Variants in BTG4 observed in about 807,000 individuals in gnomAD.
The protein encoded by BTG4 is protein BTG4.
BTG4 carries 10 observed loss-of-function variants against 19.3 expected under a neutral mutation model. The ratio of observed to expected loss-of-function variants is 0.52; its 90% CI spans 0.32 to 0.88. The LOEUF (loss-of-function observed/expected upper bound fraction) is 0.88, where lower values mean the gene tolerates loss of function less well. Ranked by LOEUF, BTG4 falls within the 40% of genes least tolerant of loss-of-function variation. BTG4 has a pLI of 0.04. For synonymous variants in BTG4, 91 were observed against 95.7 expected (o/e 0.95, Z 0.29); for missense variants, 238 against 281.9 (o/e 0.84, Z 1.11).
At chr11:111,508,707 AT>A (rs1449181053) in intron 1 of BTG4, among the ~76,000 whole-genome samples, 1 of 150,866 alleles carries the variant, frequency 6.6e-6, no homozygotes, top group African/African-American at 2.4e-5. Flanking sequence ...AGTCATCAGG[AT>A]TCCTGAAGCA....
exon 6 of BTG4, chr11:111,467,526 T>C: frequency 1.8e-6 from 1 of 565,774 alleles, no homozygotes; most frequent in South Asian, 2.7e-5. Flanking sequence ...AGCAAAAGGA[T>C]AGGTTTGGTT....
At chr11:111,495,832 C>T (rs1178147623) in intron 4 of BTG4, among the ~76,000 whole-genome samples, 1 of 152,152 alleles carries the variant, frequency 6.6e-6, no homozygotes, top group Non-Finnish European at 1.5e-5. Flanking sequence ...TCAACAACCT[C>T]GATAGGTTAT....
At chr11:111,415,366 C>T in the BTG4 span, among the ~76,000 whole-genome samples, 310 of 152,298 alleles carry the variant, frequency 2.0e-3, no homozygotes, top group Middle Eastern at 6.8e-3. Context: ...CACTTTCAAA[C>T]CAATGTTTAC....
At chr11:111,450,794 T>C in the BTG4 span, 247 of 152,880 alleles carry the variant, frequency 1.6e-3, 1 homozygote, top group Non-Finnish European at 2.1e-3. Flanking sequence ...GGTGAGCTAC[T>C]ACACTCCCTA....
At chr11:111,510,895 A>G (rs967583927) in intron 1 of BTG4, among the ~76,000 whole-genome samples, 1 of 152,264 alleles carries the variant, frequency 6.6e-6, no homozygotes, top group Non-Finnish European at 1.5e-5. Flanking sequence ...AGATGCAACT[A>G]ATAATCATAA....
the BTG4 span, among the ~76,000 whole-genome samples, chr11:111,434,704 TA>T: frequency 0.045 from 6,462 of 143,022 alleles, 441 homozygotes; most frequent in African/African-American, 0.15. Context: ...AATAATTGTT[TA>T]AAAAAAAAAA....
chr11:111,497,850 A>T, intron 3 of BTG4, 148 bp downstream of exon 3: 1 of 900,708 alleles, frequency 1.1e-6, no homozygotes, highest in South Asian at 2.0e-5. Context: ...GCATTGTCTA[A>T]CAGAAGTTTG....
the BTG4 span, among the ~76,000 whole-genome samples, chr11:111,412,808 T>C: frequency 1.3e-5 from 2 of 152,220 alleles, no homozygotes; most frequent in Non-Finnish European, 1.5e-5. Flanking sequence ...AACGGAAGAA[T>C]GGCGAGTGGG....
the BTG4 span, chr11:111,454,151 T>C: frequency 1.3e-5 from 5 of 387,450 alleles, no homozygotes; most frequent in Non-Finnish European, 1.5e-5. Context: ...TGAGGCTCTA[T>C]AGGAAGAAGA....
At chr11:111,430,804 CA>C in the BTG4 span, among the ~76,000 whole-genome samples, 1 of 152,222 alleles carries the variant, frequency 6.6e-6, no homozygotes, top group Non-Finnish European at 1.5e-5. Context: ...GCAGAATCAA[CA>C]TTAGAATCTT....
At chr11:111,424,228 A>T in the BTG4 span, among the ~76,000 whole-genome samples, 3 of 152,230 alleles carry the variant, frequency 2.0e-5, no homozygotes, top group South Asian at 2.1e-4. Flanking sequence ...CAGGATACTG[A>T]GAGTGACACG....
downstream of BTG4, among the ~76,000 whole-genome samples, chr11:111,490,618 A>G (rs908901574): frequency 6.6e-6 from 1 of 152,234 alleles, no homozygotes; most frequent in Non-Finnish European, 1.5e-5. Flanking sequence ...ACTTACACAG[A>G]TATTTCATCA....
the BTG4 span, among the ~76,000 whole-genome samples, chr11:111,405,404 C>CAAAAAAAAAAAAAAAAAAAAAAAAA: frequency 1.5e-4 from 8 of 53,040 alleles, no homozygotes; most frequent in African/African-American, 5.2e-4. Context: ...GACTCCGTCT[C>CAAAAAAAAAAAAAAAAAAAAAAAAA]AAAAAAAAAA....
the BTG4 span, among the ~76,000 whole-genome samples, chr11:111,405,376 C>G: frequency 8.6e-6 from 1 of 116,094 alleles, no homozygotes; most frequent in Admixed American, 1.1e-4. Context: ...TGCACTCCAG[C>G]CTGGGCAACA....
At chr11:111,387,354 G>T in the BTG4 span, among the ~76,000 whole-genome samples, 3 of 152,174 alleles carry the variant, frequency 2.0e-5, no homozygotes, top group Non-Finnish European at 2.9e-5. Flanking sequence ...CTAGGAAGAG[G>T]CCTAATCATT....
downstream of BTG4, chr11:111,467,484 T>G (rs1039277065): frequency 2.0e-6 from 1 of 509,032 alleles, no homozygotes; most frequent in Non-Finnish European, 3.4e-6. Flanking sequence ...ATTTGGCTGA[T>G]GCCACGTAGC....
At chr11:111,484,950 A>G (rs1864967398) in intron 5 of BTG4, among the ~76,000 whole-genome samples, 1 of 152,192 alleles carries the variant, frequency 6.6e-6, no homozygotes, top group Non-Finnish European at 1.5e-5. Flanking sequence ...GGAAACCAAA[A>G]AAGCAGGAGA....
the BTG4 span, among the ~76,000 whole-genome samples, chr11:111,441,151 A>G: frequency 6.7e-6 from 1 of 150,344 alleles, no homozygotes; most frequent in African/African-American, 2.5e-5. Flanking sequence ...TTCAAATGTT[A>G]TTATGAAATA....
the BTG4 span, among the ~76,000 whole-genome samples, chr11:111,401,447 A>T: frequency 6.6e-6 from 1 of 150,546 alleles, no homozygotes; most frequent in Non-Finnish European, 1.5e-5. Context: ...GAGACACTGC[A>T]CTCCAGCCTG....
Sources: gnomAD v4.1 joint callset for allele counts (sites outside exome capture counted in the v4.1 genomes callset) on GRCh38, gnomAD v4.1.1 for gene constraint, MANE v1.5 for transcripts, NCBI Gene and HGNC (gene_info 2026-07-23, HGNC 2026-07-21) for gene names.